The following RPA3 variants were observed in gnomAD, a reference collection of about 807,000 sequenced individuals.
The protein encoded by RPA3 is replication protein A 14 kDa subunit.
RPA3 carries 24 observed loss-of-function variants against 13.7 expected under a neutral mutation model. The observed-to-expected ratio is 1.75, with a 90% CI of 1.27 to 2.46. The LOEUF (loss-of-function observed/expected upper bound fraction) is 2.46, where lower values mean the gene tolerates loss of function less well. Ranked by LOEUF, RPA3 falls within the 30% of genes most tolerant of loss-of-function variation. RPA3 has a pLI of 0.00. For missense variants in RPA3, 183 were observed against 151.0 expected (o/e 1.21, Z -1.11); for synonymous variants, 59 against 51.2 (o/e 1.15, Z -0.65).
At chr7:7,700,972 C>T (rs796626138) in intron 2 of RPA3, among the ~76,000 whole-genome samples, 11 of 152,266 alleles carry the variant, frequency 7.2e-5, no homozygotes, top group African/African-American at 2.4e-4. Flanking sequence ...ATTGCTTGAG[C>T]CCAGGAGTTT....
At chr7:7,699,286 TTTCA>T (rs1780398732) in intron 2 of RPA3, among the ~76,000 whole-genome samples, 1 of 152,190 alleles carries the variant, frequency 6.6e-6, no homozygotes, top group African/African-American at 2.4e-5. Context: ...AATTTTTAGT[TTTCA>T]TTGACTCTTT....
intron 4 of RPA3, among the ~76,000 whole-genome samples, chr7:7,677,737 G>C (rs1321000129): frequency 7.4e-6 from 1 of 135,232 alleles, no homozygotes; most frequent in African/African-American, 2.9e-5. Context: ...GCAGTGGCGG[G>C]ATCTCGGCTC....
intron 2 of RPA3, among the ~76,000 whole-genome samples, chr7:7,694,399 A>G (rs1389701829): frequency 6.6e-6 from 1 of 152,088 alleles, no homozygotes; most frequent in Non-Finnish European, 1.5e-5. Context: ...GTACCCCCTC[A>G]GTTATTCTAA....
intron 4 of RPA3, among the ~76,000 whole-genome samples, chr7:7,652,029 G>A (rs1399616048): frequency 6.6e-6 from 1 of 152,204 alleles, no homozygotes; most frequent in Non-Finnish European, 1.5e-5. Flanking sequence ...GGGAGGGGTA[G>A]AAGGAAGGGA....
intron 4 of RPA3, among the ~76,000 whole-genome samples, chr7:7,681,421 A>G (rs1314751178): frequency 6.6e-6 from 1 of 152,168 alleles, no homozygotes; most frequent in East Asian, 1.9e-4. Flanking sequence ...GTTCATATAC[A>G]GTTAGCTCAC....
intron 2 of RPA3, among the ~76,000 whole-genome samples, chr7:7,699,077 A>G (rs772710570): frequency 6.6e-6 from 1 of 150,626 alleles, no homozygotes; most frequent in Non-Finnish European, 1.5e-5. Context: ...CAGGTTTGCT[A>G]TGTTGCCCAG....
chr7:7,637,862 A>G lies in RPA3; in HGVS notation c.283+2T>C, dbSNP rs756996870. ...CAGTCAATACTAGAATGCTTTATTT[A>G]CCAAAAGGATGGCTATCTTCTTTAA... On this transcript the variant is annotated splice_donor_variant, in intron 7 of 7. Transcript: ENST00000223129. LOFTEE classifies it high-confidence loss of function. The G allele has an allele frequency of 1.1e-5, 17 of 1,609,320 alleles. No individual in the cohort carries two copies. Among genetic ancestry groups the G allele is most frequent in the Non-Finnish European group, 1.4e-5 (16 of 1,176,526 alleles).
intron 4 of RPA3, among the ~76,000 whole-genome samples, chr7:7,681,322 C>T (rs1779907575): frequency 6.6e-6 from 1 of 152,160 alleles, no homozygotes; most frequent in South Asian, 2.1e-4. Flanking sequence ...GATGGCATTG[C>T]AGAGTTGATG....
chr7:7,709,517 G>T (rs990390185), intron 2 of RPA3, among the ~76,000 whole-genome samples: 5 of 152,200 alleles, frequency 3.3e-5, no homozygotes, highest in African/African-American at 1.2e-4. Flanking sequence ...ATGACTGGGG[G>T]ACTTGAAGTT....
At chr7:7,709,563 A>G (rs1179242176) in intron 2 of RPA3, among the ~76,000 whole-genome samples, 3 of 152,230 alleles carry the variant, frequency 2.0e-5, no homozygotes, top group Non-Finnish European at 2.9e-5. Context: ...GCAAGGGCAA[A>G]ATGAGGCTTG....
intron 4 of RPA3, among the ~76,000 whole-genome samples, chr7:7,660,623 A>G (rs1016670285): frequency 4.6e-5 from 7 of 152,188 alleles, no homozygotes; most frequent in African/African-American, 1.2e-4. Context: ...AATGTTGACT[A>G]TTGGCCCCAC....
intron 4 of RPA3, among the ~76,000 whole-genome samples, chr7:7,683,823 A>G (rs10277945): frequency 0.54 from 81,929 of 151,968 alleles, 22,873 homozygotes; most frequent in East Asian, 0.8. Context: ...GGGTTTCACC[A>G]TGTTGGCCAG....
intron 2 of RPA3, chr7:7,692,368 G>T (rs756931663): frequency 4.6e-5 from 7 of 152,164 alleles, no homozygotes; most frequent in Non-Finnish European, 8.8e-5. Context: ...AGAAATAGGA[G>T]GAGAAAGACA....
At chr7:7,643,114 T>C (rs1023422122) in intron 4 of RPA3, among the ~76,000 whole-genome samples, 5 of 152,218 alleles carry the variant, frequency 3.3e-5, no homozygotes, top group African/African-American at 1.2e-4. Flanking sequence ...CCGAATTTGC[T>C]TCTCTAAAAA....
intron 7 of RPA3, 103 bp downstream of exon 7, chr7:7,637,761 T>C (rs1339483839): frequency 1.9e-6 from 1 of 525,236 alleles, no homozygotes; most frequent in Non-Finnish European, 3.4e-6. Context: ...TGTAATTACA[T>C]ACAGTTATAT....
rs977784333 is a variant in RPA3, at chr7:7,636,799, T to C, written c.*201A>G. The C allele has an allele frequency of 9.4e-6, 5 of 530,042 alleles. No individual in the cohort carries two copies. Among genetic ancestry groups the C allele is most frequent in the Non-Finnish European group, 1.6e-5 (5 of 303,076 alleles). 32.8% of individuals were successfully genotyped at this position (530,042 alleles called of 1,614,324 possible). On this transcript the variant is annotated 3_prime_UTR_variant, in exon 8 of 8. Transcript: ENST00000223129. ...TATTCTTGCATCTAATCTGACCATATATTGGAGTAGCAATTCTTTATAAAA... is the reference window on the plus strand; with the variant it reads ...TATTCTTGCATCTAATCTGACCATACATTGGAGTAGCAATTCTTTATAAAA...
At chr7:7,653,422 A>C (rs28916269) in intron 4 of RPA3, among the ~76,000 whole-genome samples, 20,812 of 152,210 alleles carry the variant, frequency 0.14, 1,846 homozygotes, top group Non-Finnish European at 0.2. Flanking sequence ...CAGTAATCTT[A>C]TCTTCTAAAC....
chr7:7,699,183 G>T (rs1780395370), intron 2 of RPA3, among the ~76,000 whole-genome samples: 1 of 152,042 alleles, frequency 6.6e-6, no homozygotes, highest in Non-Finnish European at 1.5e-5. Context: ...GGGGTGCTGA[G>T]TTGACTGATT....
chr7:7,644,469 G>A (rs911230050), intron 4 of RPA3, among the ~76,000 whole-genome samples: 2 of 150,286 alleles, frequency 1.3e-5, no homozygotes, highest in East Asian at 1.9e-4. Flanking sequence ...TTGATACATC[G>A]TACTCTTAAA....
Sources: gnomAD v4.1 joint callset for allele counts (sites outside exome capture counted in the v4.1 genomes callset) on GRCh38, gnomAD v4.1.1 for gene constraint, MANE v1.5 for transcripts, NCBI Gene and HGNC (gene_info 2026-07-23, HGNC 2026-07-21) for gene names.